The following NIPAL3 variants were observed in gnomAD, a reference collection of about 807,000 sequenced individuals.
The protein encoded by NIPAL3 is NIPA-like protein 3.
Under a neutral mutation model 47.2 loss-of-function variants are expected in NIPAL3, and 41 were observed. The observed-to-expected ratio is 0.87, with a 90% confidence interval of 0.68 to 1.13. The LOEUF (loss-of-function observed/expected upper bound fraction) is 1.13. NIPAL3 is among the 50% of genes most tolerant of loss of function. NIPAL3 has a pLI of 0.00. For synonymous variants in NIPAL3, 194 were observed against 209.6 expected (o/e 0.93, Z 0.64); for missense variants, 449 against 530.1 (o/e 0.85, Z 1.50).
chr1:24,439,531 T>C (rs1053506426), intron 2 of NIPAL3, among the ~76,000 whole-genome samples: 2 of 152,102 alleles, frequency 1.3e-5, no homozygotes. Flanking sequence ...ATGGTGGTGT[T>C]GTTATTGTTA....
rs776969449 is a variant in NIPAL3, at chr1:24,442,165, C to T, written c.273C>T (p.Phe91=). Residue 91 remains phenylalanine (F), a synonymous_variant, in exon 4 of 12, where the codon TTC becomes TTT. Coordinates refer to ENST00000374399, the MANE Select transcript of NIPAL3 (RefSeq NM_020448.5). ...FLMLLGELGV[F]ASYAFAPLSL... is the part of the protein sequence containing the mutation. ...TGCTTCTGGGCGAGCTGGGTGTGTTCGCCTCCTACGCCTTCGCGCCGCTGT... is the reference window on the plus strand; with the variant it reads ...TGCTTCTGGGCGAGCTGGGTGTGTTTGCCTCCTACGCCTTCGCGCCGCTGT... 14 of 1,614,024 alleles carry T rather than the reference C, an allele frequency of 8.7e-6. No homozygotes were observed. The highest frequency in any genetic ancestry group is 2.2e-5 in the East Asian group (1 of 44,900).
In NIPAL3 at chr1:24,416,346, C is replaced by T. The variant is rs1425646233; in HGVS notation, c.-258+442C>T. ...ACGGGACGGAAGAATGTAACCTTCT[C>T]GTGAGCCAAAGCCGAGGAACGGGAA... On this transcript the variant is annotated intron_variant, in intron 1 of 11. Transcript: ENST00000374399. The surrounding 1 kb of genome is among the most constrained non-coding windows in gnomAD (Gnocchi z 4.8). 2.0e-6 allele frequency: 2 copies of T among 984,908 alleles called. No individual in the cohort carries two copies. The highest frequency in any genetic ancestry group is 1.7e-5 in the African/African-American group (1 of 57,186). 61.0% of individuals were successfully genotyped at this position (984,908 alleles called of 1,614,324 possible). A position where few individuals can be genotyped will look rare whatever the true frequency, so the allele number is the denominator to read the frequency against.
chr1:24,428,194 C>G (rs1487094599), intron 2 of NIPAL3, among the ~76,000 whole-genome samples: 4 of 150,848 alleles, frequency 2.7e-5, no homozygotes, highest in Non-Finnish European at 4.4e-5. Flanking sequence ...GAGCTGAGAT[C>G]ACGTCACTGC....
At chr1:24,445,970 G>A (rs374831335) in intron 5 of NIPAL3, among the ~76,000 whole-genome samples, 27 of 152,148 alleles carry the variant, frequency 1.8e-4, no homozygotes, top group African/African-American at 5.1e-4. Context: ...TGGGGAAGAA[G>A]CGTTTCCCAC....
At chr1:24,459,026 T>G in intron 9 of NIPAL3, 50 bp downstream of exon 9, 1 of 1,535,890 alleles carries the variant, frequency 6.5e-7, no homozygotes, top group Non-Finnish European at 9.0e-7. Flanking sequence ...AGCAGCAGGG[T>G]ATTATCCCAG....
chr1:24,459,687 C>T (rs1003674656), intron 9 of NIPAL3, among the ~76,000 whole-genome samples: 2 of 152,220 alleles, frequency 1.3e-5, no homozygotes, highest in African/African-American at 2.4e-5. Flanking sequence ...ACACACGAGG[C>T]GCACAGCTTC....
chr1:24,450,142 A>C (rs143716311), intron 6 of NIPAL3, among the ~76,000 whole-genome samples: 34 of 152,308 alleles, frequency 2.2e-4, no homozygotes, highest in Non-Finnish European at 4.3e-4. Context: ...AACCATTATG[A>C]TGTCAGTTTT....
rs919139573 is a variant in NIPAL3, at chr1:24,454,079, TGCAGTG to T, written c.637+577_637+582del. On this transcript the variant is annotated intron_variant, in intron 7 of 11. Coordinates refer to ENST00000374399, the MANE Select transcript of NIPAL3 (RefSeq NM_020448.5). This position sits in a 1 kb window ranked among gnomAD's most constrained non-coding sequence, Gnocchi z 4.1. ...TCTTGCTCTGTCACCCAGGCTGGAGTGCAGTGGTACAATCTTAGCTCTCTGCAGCCT... is the reference window on the plus strand; with the variant it reads ...TCTTGCTCTGTCACCCAGGCTGGAGTGTACAATCTTAGCTCTCTGCAGCCT... The T allele has an allele frequency of 1.3e-5, 9 of 698,362 alleles. No homozygotes were observed. In the Admixed American group the frequency reaches 2.2e-4, roughly 17 times the overall value. The allele number at this position is 698,362 out of a possible 1,614,324, so 43.3% of individuals were successfully genotyped here.
chr1:24,467,861 A>G (rs570884947), intron 11 of NIPAL3, among the ~76,000 whole-genome samples: 3 of 152,218 alleles, frequency 2.0e-5, no homozygotes, highest in South Asian at 4.1e-4. Context: ...CTCTACCTCA[A>G]AAAAGAAAGT....
At chr1:24,447,963 T>C (rs1645750555) in intron 5 of NIPAL3, among the ~76,000 whole-genome samples, 1 of 152,268 alleles carries the variant, frequency 6.6e-6, no homozygotes, top group Non-Finnish European at 1.5e-5. Context: ...CACTCAGTGC[T>C]AGACCTGTGT....
At chr1:24,438,369 T>G (rs1466657039) in intron 2 of NIPAL3, among the ~76,000 whole-genome samples, 3 of 152,188 alleles carry the variant, frequency 2.0e-5, no homozygotes, top group Non-Finnish European at 2.9e-5. Flanking sequence ...CTCCACATCT[T>G]TCCCTTCTGT....
At chr1:24,445,483 C>T (rs1279553565) in intron 5 of NIPAL3, among the ~76,000 whole-genome samples, 1 of 152,138 alleles carries the variant, frequency 6.6e-6, no homozygotes, top group Non-Finnish European at 1.5e-5. Context: ...CCCATTGGAT[C>T]AATTTTGAGC....
At chr1:24,421,271 G>A (rs1644317560) in intron 2 of NIPAL3, among the ~76,000 whole-genome samples, 1 of 152,174 alleles carries the variant, frequency 6.6e-6, no homozygotes, top group South Asian at 2.1e-4. Flanking sequence ...AAGATCATTT[G>A]AGCCAGGGAG....
chr1:24,463,976 G>T, intron 10 of NIPAL3, 50 bp from the exon 11 acceptor site: 2 of 1,501,868 alleles, frequency 1.3e-6, no homozygotes, highest in South Asian at 1.2e-5. Flanking sequence ...GTGCCTGCCC[G>T]ACCTTGCTCC....
At chr1:24,460,004 G>T (rs995425764) in intron 9 of NIPAL3, among the ~76,000 whole-genome samples, 3 of 152,296 alleles carry the variant, frequency 2.0e-5, no homozygotes, top group South Asian at 2.1e-4. Context: ...GGGATCTACT[G>T]GCCACATGAG....
intron 3 of NIPAL3, among the ~76,000 whole-genome samples, 194 bp downstream of exon 3, chr1:24,440,434 C>T (rs1030960616): frequency 3.3e-5 from 5 of 152,168 alleles, no homozygotes; most frequent in Non-Finnish European, 7.4e-5. Flanking sequence ...CGCCCTCGCC[C>T]TCCTAGCCAG....
At chr1:24,426,091 G>A (rs955360546) in intron 2 of NIPAL3, among the ~76,000 whole-genome samples, 2 of 152,170 alleles carry the variant, frequency 1.3e-5, no homozygotes, top group African/African-American at 4.8e-5. Context: ...GACGAAACTG[G>A]CGCAGAGAGG....
chr1:24,439,120 G>A (rs2148801093), intron 2 of NIPAL3, among the ~76,000 whole-genome samples: 1 of 152,154 alleles, frequency 6.6e-6, no homozygotes, highest in East Asian at 1.9e-4. Flanking sequence ...GGGTTCACTA[G>A]AAACCCAAAC....
chr1:24,442,929 A>G (rs1267615863), intron 4 of NIPAL3, among the ~76,000 whole-genome samples: 1 of 152,194 alleles, frequency 6.6e-6, no homozygotes, highest in Non-Finnish European at 1.5e-5. Context: ...TTGATTACAC[A>G]ATTGCACTCC....
Sources: allele counts gnomAD v4.1 joint callset (sites outside exome capture counted in the v4.1 genomes callset), GRCh38; gene constraint gnomAD v4.1.1; non-coding constraint Gnocchi (gnomAD v3.1); transcripts MANE v1.5; gene names NCBI Gene and HGNC (gene_info 2026-07-23, HGNC 2026-07-21).